PREP: variants seen among roughly 807,000 people sequenced by gnomAD.
The protein encoded by PREP is prolyl endopeptidase.
In PREP, 29 loss-of-function variants were observed where a neutral mutation model predicts 87.6. That is an observed-to-expected ratio of 0.33 (90% CI 0.25 to 0.45). PREP has a LOEUF of 0.45. PREP is among the 20% of genes least tolerant of loss of function. The probability of loss-of-function intolerance (pLI) is 1.00; values close to 1 mark genes in which losing one functional copy is unlikely to be tolerated. For missense variants in PREP, 695 were observed against 886.5 expected (o/e 0.78, Z 2.74); for synonymous variants, 337 against 328.6 (o/e 1.03, Z -0.28).
At chr6:105,387,797 C>T (rs986698268) in intron 2 of PREP, among the ~76,000 whole-genome samples, 1 of 152,164 alleles carries the variant, frequency 6.6e-6, no homozygotes, top group Admixed American at 6.5e-5. Flanking sequence ...TGTGGCTTGG[C>T]CTCCTTTCTG....
chr6:105,350,953 C>T (rs925621247), intron 7 of PREP, among the ~76,000 whole-genome samples: 7 of 152,180 alleles, frequency 4.6e-5, no homozygotes, highest in Non-Finnish European at 7.3e-5. Flanking sequence ...CTATGTTATT[C>T]TCTTCATATT....
At chr6:105,333,673 A>G (rs1275137791) in intron 7 of PREP, among the ~76,000 whole-genome samples, 168 bp from the exon 8 acceptor site, 1 of 152,190 alleles carries the variant, frequency 6.6e-6, no homozygotes, top group Non-Finnish European at 1.5e-5. Context: ...AGTAAATTGA[A>G]AAATGCTAAG....
chr6:105,273,369 GA>G lies in PREP; in HGVS notation c.*4774del, dbSNP rs894068611. ...CAACCGTTACTGAAATCCAGTTTTA[GA>G]ACATTTTTGTCATCCCGGTTAGATC... is the stretch of plus-strand genomic sequence containing the variant. On this transcript the variant is annotated 3_prime_UTR_variant, in exon 15 of 15. Coordinates refer to ENST00000652536, the MANE Select transcript of PREP (RefSeq NM_002726.5). 1.3e-5 allele frequency: 2 copies of G among 152,104 alleles called. No homozygotes were observed. The highest frequency in any genetic ancestry group is 4.8e-5 in the African/African-American group (2 of 41,420). The allele number at this position is 152,104 out of a possible 1,614,324, so 9.4% of individuals were successfully genotyped here. A position where few individuals can be genotyped will look rare whatever the true frequency, so the allele number is the denominator to read the frequency against.
At chr6:105,349,224 A>G (rs1393728584) in intron 7 of PREP, among the ~76,000 whole-genome samples, 1 of 152,204 alleles carries the variant, frequency 6.6e-6, no homozygotes, top group Non-Finnish European at 1.5e-5. Context: ...ATGTGTTCAT[A>G]TTCTTAAGTG....
At chr6:105,286,281 A>G (rs1443186076) in intron 11 of PREP, among the ~76,000 whole-genome samples, 1 of 152,192 alleles carries the variant, frequency 6.6e-6, no homozygotes, top group African/African-American at 2.4e-5. Context: ...TTTAAGTTGG[A>G]AAAAAGAAAA....
At chr6:105,309,390 T>C (rs571369959) in intron 10 of PREP, among the ~76,000 whole-genome samples, 2 of 152,106 alleles carry the variant, frequency 1.3e-5, no homozygotes, top group African/African-American at 4.8e-5. Flanking sequence ...ACTCTCAATA[T>C]TGTGGGTGTA....
chr6:105,359,076 G>A (rs966672698), intron 6 of PREP, among the ~76,000 whole-genome samples: 16 of 152,118 alleles, frequency 1.1e-4, no homozygotes, highest in Non-Finnish European at 2.9e-5. Context: ...AATTTAACAC[G>A]TGCCATCAAC....
chr6:105,286,449 T>C lies in PREP; in HGVS notation c.1455-869A>G, dbSNP rs570920529. 3.3e-5 allele frequency among the ~76,000 whole-genome samples: 5 copies of C among 152,306 alleles called. No homozygotes were observed. The East Asian group carries it at 7.7e-4, about 24-fold the overall frequency. On this transcript the variant is annotated intron_variant, in intron 11 of 14. Transcript: ENST00000652536. The stretch of plus-strand genomic sequence containing the variant: ...TTCTCGAGATAAGCAGAAGAAACTA[T>C]AGCACAAACCCTCTAGGAAAGAGCA...
intron 7 of PREP, among the ~76,000 whole-genome samples, chr6:105,345,245 T>G (rs1476018576): frequency 1.3e-5 from 2 of 152,232 alleles, no homozygotes; most frequent in African/African-American, 4.8e-5. Context: ...GAAACATGAT[T>G]TAACTCTTTA....
At chr6:105,357,005 TC>T (rs1416782708) in intron 6 of PREP, among the ~76,000 whole-genome samples, 1 of 152,192 alleles carries the variant, frequency 6.6e-6, no homozygotes. Flanking sequence ...CCGGTGTCTT[TC>T]CTCTTTGTAT....
intron 7 of PREP, among the ~76,000 whole-genome samples, chr6:105,333,894 C>T (rs1335798307): frequency 6.6e-6 from 1 of 152,162 alleles, no homozygotes; most frequent in East Asian, 1.9e-4. Context: ...CAACCACAGA[C>T]ACTTTCACCC....
At chr6:105,374,693 T>C (rs1460507214) in intron 4 of PREP, among the ~76,000 whole-genome samples, 3 of 77,194 alleles carry the variant, frequency 3.9e-5, no homozygotes, top group Non-Finnish European at 4.8e-5. Flanking sequence ...TATATATATA[T>C]CAGAAAATTT....
chr6:105,300,412 T>A (rs1035263630), intron 10 of PREP, among the ~76,000 whole-genome samples: 11 of 152,166 alleles, frequency 7.2e-5, no homozygotes, highest in African/African-American at 2.7e-4. Flanking sequence ...ACCAAAAAAA[T>A]TCCATTTCAA....
chr6:105,323,579 T>C, intron 10 of PREP, 86 bp downstream of exon 10: 1 of 1,214,840 alleles, frequency 8.2e-7, no homozygotes, highest in Non-Finnish European at 1.2e-6. Context: ...TTACCTCCAC[T>C]GCTTCTGATA....
intron 2 of PREP, 121 bp downstream of exon 2, chr6:105,397,732 C>G: frequency 1.3e-6 from 1 of 770,764 alleles, no homozygotes; most frequent in Non-Finnish European, 2.2e-6. Flanking sequence ...AACAGGTATA[C>G]TCACCATCCC....
intron 10 of PREP, among the ~76,000 whole-genome samples, chr6:105,293,536 ATGT>A (rs1363775917): frequency 8.7e-5 from 12 of 138,416 alleles, no homozygotes; most frequent in Non-Finnish European, 1.7e-4. Context: ...GAATAAGCAC[ATGT>A]TGTTGAAAAA....
rs963013251 is a variant in PREP, at chr6:105,393,257, TA to T, written c.120+4595del. 8.6e-4 allele frequency among the ~76,000 whole-genome samples: 131 copies of T among 152,336 alleles called. 1 individual carries two copies. Among genetic ancestry groups the T allele is most frequent in the African/African-American group, 3.0e-3 (123 of 41,576 alleles). ...AGCTCTTTTATAAGATCTGAAATGC[TA>T]CCAGTAGGTCTTGGATTTAATCTAG... is the stretch of plus-strand genomic sequence containing the variant. On this transcript the variant is annotated intron_variant, in intron 2 of 14. Transcript: ENST00000652536.
chr6:105,309,709 C>G (rs983361909), intron 10 of PREP, among the ~76,000 whole-genome samples: 53 of 152,218 alleles, frequency 3.5e-4, no homozygotes, highest in African/African-American at 1.2e-3. Flanking sequence ...TGCACTGACG[C>G]CCCCAGACAC....
Position 105,282,517 on chromosome 6 carries a change from T to G in PREP, c.1615A>C (p.Lys539Gln), listed in dbSNP as rs760476067. Residue 539 changes from lysine (K) to glutamine (Q), a missense_variant, in exon 13 of 15, where the codon AAG becomes CAG. Lys to Gln is a moderately conservative substitution (Grantham distance 53). Around this residue, in one of 5 missense-constraint regions of PREP, gnomAD observed 35 missense variants for 36.0 expected, o/e 0.97. Coordinates refer to ENST00000652536, the MANE Select transcript of PREP (RefSeq NM_002726.5). ...DFQCAAEYLI[K>Q]EGYTSPKRLT... is the part of the protein sequence containing the mutation. ...CTCTTGGGAGATGTGTAACCTTCCT[T>G]GATCAGATACTCAGCAGCACACTGA... 269 of 1,614,054 alleles carry G rather than the reference T, an allele frequency of 1.7e-4. 2 individuals are homozygous for G. The Admixed American group carries it at 4.4e-3, about 26-fold the overall frequency.
Sources: allele counts gnomAD v4.1 joint callset (sites outside exome capture counted in the v4.1 genomes callset), GRCh38; gene constraint gnomAD v4.1.1; regional missense constraint gnomAD v4.1.1; transcripts MANE v1.5; gene names NCBI Gene and HGNC (gene_info 2026-07-23, HGNC 2026-07-21).